UQCC1: variants seen among roughly 807,000 people sequenced by gnomAD.
UQCC1 encodes the protein ubiquinol-cytochrome c reductase complex assembly factor 1, also known as bFGF-repressed Zic-binding protein.
In UQCC1, 38 loss-of-function variants were observed where a neutral mutation model predicts 48.0. The ratio of observed to expected loss-of-function variants is 0.79; its 90% CI spans 0.61 to 1.04. The LOEUF is 1.04. Among genes scored for constraint, UQCC1 ranks in the 50% least tolerant of loss-of-function variants. The pLI is 0.00. For synonymous variants in UQCC1, 111 were observed against 129.2 expected, an observed-to-expected ratio of 0.86 and a Z score of 0.95; for missense variants, 368 against 381.8, an observed-to-expected ratio of 0.96 and a Z score of 0.30.
chr20:35,343,690 G>A (rs2061404578), intron 7 of UQCC1, among the ~76,000 whole-genome samples: 1 of 152,084 alleles, frequency 6.6e-6, no homozygotes, highest in African/African-American at 2.4e-5. Context: ...CGGAATTTGG[G>A]CACTTCTCTT....
At chr20:35,396,340 G>A (rs918059074) in intron 1 of UQCC1, among the ~76,000 whole-genome samples, 2 of 138,586 alleles carry the variant, frequency 1.4e-5, no homozygotes, top group Admixed American at 8.1e-5. Flanking sequence ...TCCCCAGGCT[G>A]GAGTCCAGTG....
intron 8 of UQCC1, among the ~76,000 whole-genome samples, chr20:35,313,562 C>T (rs2061019263): frequency 6.6e-6 from 1 of 152,064 alleles, no homozygotes; most frequent in Non-Finnish European, 1.5e-5. Flanking sequence ...GGAAGGACAT[C>T]CAATAAACTA....
At chr20:35,357,671 CAA>C (rs386365644) in intron 6 of UQCC1, among the ~76,000 whole-genome samples, 10 of 103,390 alleles carry the variant, frequency 9.7e-5, no homozygotes, top group Non-Finnish European at 1.7e-4. Context: ...GACCTTGTCT[CAA>C]AAAAAAAAAA....
intron 2 of UQCC1, among the ~76,000 whole-genome samples, chr20:35,389,336 G>A (rs75843352): frequency 0.028 from 4,267 of 152,124 alleles, 208 homozygotes; most frequent in African/African-American, 0.097. Flanking sequence ...AGACCGAGGC[G>A]CATAGATCAC....
chr20:35,324,512 G>C, intron 7 of UQCC1, among the ~76,000 whole-genome samples: 1 of 152,134 alleles, frequency 6.6e-6, no homozygotes, highest in Non-Finnish European at 1.5e-5. Flanking sequence ...ATTTTTAGTA[G>C]AGACGGGGTT....
chr20:35,370,995 A>T (rs1435370988), intron 5 of UQCC1, among the ~76,000 whole-genome samples: 4 of 152,228 alleles, frequency 2.6e-5, no homozygotes, highest in Non-Finnish European at 4.4e-5. Flanking sequence ...TGAAAACAGT[A>T]ATACAAGCCC....
At chr20:35,352,380 G>C (rs2061498629) in intron 6 of UQCC1, among the ~76,000 whole-genome samples, 1 of 152,218 alleles carries the variant, frequency 6.6e-6, no homozygotes, top group South Asian at 2.1e-4. Context: ...GCTCAGCAGA[G>C]AGTGGCCAGC....
intron 6 of UQCC1, among the ~76,000 whole-genome samples, chr20:35,354,064 G>A (rs1045427002): frequency 2.0e-5 from 3 of 152,046 alleles, no homozygotes; most frequent in Admixed American, 2.0e-4. Flanking sequence ...TAGCCTAGGA[G>A]CCATAGGTCA....
chr20:35,351,249 G>A (rs2061486811), intron 6 of UQCC1, among the ~76,000 whole-genome samples: 1 of 151,946 alleles, frequency 6.6e-6, no homozygotes, highest in Non-Finnish European at 1.5e-5. Flanking sequence ...AAATTAGCCA[G>A]GTATGGTGGC....
At chr20:35,310,543 G>C (rs978649501) in intron 8 of UQCC1, among the ~76,000 whole-genome samples, 1 of 150,316 alleles carries the variant, frequency 6.7e-6, no homozygotes, top group African/African-American at 2.4e-5. Flanking sequence ...CTACTCAGGA[G>C]GCTGAGGCAG....
At chr20:35,362,789 G>A (rs2061621374) in intron 6 of UQCC1, among the ~76,000 whole-genome samples, 1 of 152,132 alleles carries the variant, frequency 6.6e-6, no homozygotes, top group Admixed American at 6.6e-5. Context: ...GGATAGGGAA[G>A]CTAGAGGCCA....
intron 1 of UQCC1, among the ~76,000 whole-genome samples, chr20:35,405,482 G>GA (rs555084300): frequency 1.3e-4 from 20 of 152,146 alleles, no homozygotes; most frequent in African/African-American, 4.6e-4. Flanking sequence ...TACACAGGGG[G>GA]AAAAAATGCA....
intron 4 of UQCC1, among the ~76,000 whole-genome samples, chr20:35,379,232 C>G (rs971176922): frequency 2.6e-5 from 4 of 152,162 alleles, no homozygotes; most frequent in Non-Finnish European, 5.9e-5. Flanking sequence ...GATTATCAAA[C>G]ATGGGAATAA....
chr20:35,367,095 A>AC (rs2061676799), intron 5 of UQCC1, among the ~76,000 whole-genome samples: 1 of 150,126 alleles, frequency 6.7e-6, no homozygotes, highest in East Asian at 2.0e-4. Context: ...CTCTGTCTAA[A>AC]AAAAAAAAAA....
chr20:35,389,295 C>T (rs373249489), intron 2 of UQCC1, among the ~76,000 whole-genome samples: 8 of 152,062 alleles, frequency 5.3e-5, no homozygotes, highest in African/African-American at 1.7e-4. Flanking sequence ...AATTATAAGC[C>T]GGGTGCTTAT....
chr20:35,309,097 G>A, intron 8 of UQCC1: 1 of 454,538 alleles, frequency 2.2e-6, no homozygotes, highest in Non-Finnish European at 4.4e-6. Context: ...ATGCATTGAT[G>A]AGGTGGGGGA....
intron 1 of UQCC1, among the ~76,000 whole-genome samples, chr20:35,402,658 T>A (rs1359199673): frequency 6.6e-6 from 1 of 151,612 alleles, no homozygotes; most frequent in Non-Finnish European, 1.5e-5. Flanking sequence ...CCGGGCATGG[T>A]GGCGCATGCT....
At chr20:35,392,501 G>T (rs181218787) in intron 2 of UQCC1, among the ~76,000 whole-genome samples, 1 of 152,248 alleles carries the variant, frequency 6.6e-6, no homozygotes, top group East Asian at 1.9e-4. Flanking sequence ...ACAAGTCAGA[G>T]ATTCATATAA....
intron 1 of UQCC1, among the ~76,000 whole-genome samples, chr20:35,407,425 CAA>C (rs904763903): frequency 8.0e-6 from 1 of 125,148 alleles, no homozygotes; most frequent in Non-Finnish European, 1.7e-5. Flanking sequence ...AAGACCCTGT[CAA>C]AAAAAAAAGA....
Sources: allele counts gnomAD v4.1 joint callset (sites outside exome capture counted in the v4.1 genomes callset), GRCh38; gene constraint gnomAD v4.1.1; transcripts MANE v1.5; gene names NCBI Gene and HGNC (gene_info 2026-07-23, HGNC 2026-07-21).